The following TNS1 variants were observed in gnomAD, a reference collection of about 807,000 sequenced individuals.
TNS1 encodes the protein tensin 1.
TNS1 carries 62 observed loss-of-function variants against 168.6 expected under a neutral mutation model. That is an observed-to-expected ratio of 0.37 (90% confidence interval 0.30 to 0.45). The LOEUF (loss-of-function observed/expected upper bound fraction) is 0.45, where lower values mean the gene tolerates loss of function less well. Among genes scored for constraint, TNS1 ranks in the 20% least tolerant of loss-of-function variants. The probability of loss-of-function intolerance (pLI) is 1.00; values close to 1 mark genes in which losing one functional copy is unlikely to be tolerated. For synonymous variants in TNS1, 934 were observed against 933.2 expected, an observed-to-expected ratio of 1.00 and a Z score of -0.02; for missense variants, 2,240 against 2,339.4, an observed-to-expected ratio of 0.96 and a Z score of 0.88.
chr2:218,031,284 TGAGTGTGTGA>T (rs1958895503), intron 1 of TNS1, among the ~76,000 whole-genome samples: 1 of 117,992 alleles, frequency 8.5e-6, no homozygotes, highest in Non-Finnish European at 1.6e-5. Context: ...TGAGCGTGTA[TGAGTGTGTGA>T]GTGTGTCTTT....
intron 2 of TNS1, among the ~76,000 whole-genome samples, 199 bp downstream of exon 2, chr2:217,990,743 C>T (rs1387496603): frequency 6.6e-6 from 1 of 152,222 alleles, no homozygotes; most frequent in Non-Finnish European, 1.5e-5. Context: ...TTCCATGCTA[C>T]CCTCCACCTG....
In TNS1 at chr2:217,802,051, C is replaced by T. The variant is rs1477978271; in HGVS notation, c.*2408G>A. 6.6e-6 allele frequency: 1 copy of T among 152,242 alleles called. No homozygotes were observed. The highest frequency in any genetic ancestry group is 1.5e-5 in the Non-Finnish European group (1 of 68,066). The allele number at this position is 152,242 out of a possible 1,614,324, so 9.4% of individuals were successfully genotyped here. A position where few individuals can be genotyped will look rare whatever the true frequency, so the allele number is the denominator to read the frequency against. ...GCCAGGCTGCTTGAAGGGTCTGATACACCGCCCAGCCTCAAGTGTGGACAG... is the reference window on the plus strand; with the variant it reads ...GCCAGGCTGCTTGAAGGGTCTGATATACCGCCCAGCCTCAAGTGTGGACAG... On this transcript the variant is annotated 3_prime_UTR_variant, in exon 33 of 33. Transcript: ENST00000682258.
intron 1 of TNS1, among the ~76,000 whole-genome samples, chr2:218,026,682 C>T (rs1040501875): frequency 6.6e-6 from 1 of 152,264 alleles, no homozygotes; most frequent in Non-Finnish European, 1.5e-5. Flanking sequence ...TTTTCCCACC[C>T]ACCGCGTATG....
At chr2:218,004,055 C>G (rs1958623502), upstream of TNS1, among the ~76,000 whole-genome samples, 1 of 152,216 alleles carries the variant, frequency 6.6e-6, no homozygotes, top group Non-Finnish European at 1.5e-5. Context: ...AAAAACCCTT[C>G]CTCTTTGAGC....
chr2:217,883,815 A>G (rs577288752), intron 16 of TNS1, among the ~76,000 whole-genome samples: 1 of 152,296 alleles, frequency 6.6e-6, no homozygotes, highest in South Asian at 2.1e-4. Flanking sequence ...GAGCCAGACC[A>G]CACTAAGGAG....
chr2:217,853,244 G>A (rs896952144), intron 18 of TNS1, among the ~76,000 whole-genome samples: 1 of 152,208 alleles, frequency 6.6e-6, no homozygotes, highest in Non-Finnish European at 1.5e-5. Flanking sequence ...ATAAGGTAGA[G>A]GAGGATAAGA....
Position 217,818,207 on chromosome 2 carries a change from G to A in TNS1, c.4125C>T (p.Ser1375=). The change falls in exon 24 of 33, where the codon AGC becomes AGT. Residue 1375 remains serine (S), a synonymous_variant. Transcript: ENST00000682258. ...GGTGAGCCCCAGGGTGCCGGCCCAG[G>A]CTGGGACTCCCCGGGGTGGTGGCCA... is the stretch of plus-strand genomic sequence containing the variant. ...NKVATTPGSP[S]LGRHPGAHQG... is the part of the protein sequence containing the mutation. 6.2e-7 allele frequency: 1 copy of A among 1,613,964 alleles called. No individual in the cohort carries two copies. The highest frequency in any genetic ancestry group is 1.7e-5 in the Admixed American group (1 of 60,024).
intron 1 of TNS1, among the ~76,000 whole-genome samples, chr2:218,023,769 A>G (rs1958829358): frequency 1.3e-5 from 2 of 152,180 alleles, no homozygotes; most frequent in Non-Finnish European, 2.9e-5. Flanking sequence ...TGCCCTGGTC[A>G]GGTCCATGCT....
At chr2:217,959,396 C>T (rs1478024196) in intron 3 of TNS1, among the ~76,000 whole-genome samples, 2 of 151,594 alleles carry the variant, frequency 1.3e-5, no homozygotes, top group African/African-American at 4.9e-5. Context: ...AACCTGGTGT[C>T]TTAGCATGGA....
intron 24 of TNS1, 140 bp from the exon 25 acceptor site, chr2:217,815,138 G>A (rs1941680527): frequency 3.0e-6 from 2 of 674,684 alleles, no homozygotes; most frequent in South Asian, 1.7e-5. Flanking sequence ...AAATTAAGAT[G>A]AGGTCACACA....
At chr2:217,863,330 G>A (rs969304292) in intron 18 of TNS1, among the ~76,000 whole-genome samples, 16 of 152,166 alleles carry the variant, frequency 1.1e-4, no homozygotes, top group Non-Finnish European at 2.4e-4. Flanking sequence ...CAGGGAATGT[G>A]TGACAATACT....
intron 23 of TNS1, among the ~76,000 whole-genome samples, chr2:217,819,159 C>T (rs760229546): frequency 1.3e-5 from 2 of 152,208 alleles, no homozygotes; most frequent in Admixed American, 6.5e-5. Flanking sequence ...TTTCCTGGCT[C>T]CTGTTCCTAC....
intron 3 of TNS1, among the ~76,000 whole-genome samples, chr2:217,926,585 AC>A (rs1956038996): frequency 6.6e-6 from 1 of 152,150 alleles, no homozygotes; most frequent in African/African-American, 2.4e-5. Flanking sequence ...GATCTTCTTG[AC>A]AAGTTTTTCA....
Position 217,990,963 on chromosome 2 carries a change from G to A in TNS1, c.127C>T (p.Gln43Ter). 1.5e-6 allele frequency: 1 copy of A among 684,090 alleles called. No homozygotes were observed. Among genetic ancestry groups the A allele is most frequent in the Non-Finnish European group, 2.7e-6 (1 of 371,600 alleles). The allele number at this position is 684,090 out of a possible 1,614,324, so 42.4% of individuals were successfully genotyped here. The stretch of plus-strand genomic sequence containing the variant: ...TCACCTTTGCAGGTGCAGCCTTCCT[G>A]GGTGATGACCTGGCGGCAGATCCCA... The part of the protein sequence containing the change: ...PCGICRQVIT[Q>*]EGCTCKVCSF... Residue 43 changes from glutamine to a stop codon, truncating the protein, a stop_gained, in exon 2 of 33, where the codon CAG becomes TAG. Transcript: ENST00000682258. LOFTEE classifies it high-confidence loss of function.
At chr2:217,946,937 G>A (rs1045664252) in intron 3 of TNS1, among the ~76,000 whole-genome samples, 8 of 130,814 alleles carry the variant, frequency 6.1e-5, no homozygotes, top group African/African-American at 1.9e-4. Flanking sequence ...TTCCACCATC[G>A]CTCTCTCTCT....
chr2:217,885,491 A>G (rs1272669906), intron 15 of TNS1, among the ~76,000 whole-genome samples: 1 of 152,230 alleles, frequency 6.6e-6, no homozygotes, highest in African/African-American at 2.4e-5. Flanking sequence ...TGTCACCAAT[A>G]AGAAGCCAGG....
At chr2:217,909,348 G>T (rs990990939) in intron 4 of TNS1, among the ~76,000 whole-genome samples, 1 of 152,044 alleles carries the variant, frequency 6.6e-6, no homozygotes, top group Admixed American at 6.6e-5. Context: ...TGACCTGTCC[G>T]CTACCCAGCC....
rs1396005850 is a variant in TNS1, at chr2:217,948,665, T to A, written c.187-28429A>T. Among the ~76,000 whole-genome samples, 1 of 152,148 alleles carries A rather than the reference T, an allele frequency of 6.6e-6. No individual in the cohort carries two copies. Among genetic ancestry groups the A allele is most frequent in the Non-Finnish European group, 1.5e-5 (1 of 68,016 alleles). On this transcript the variant is annotated intron_variant, in intron 3 of 32. Coordinates refer to ENST00000682258, the MANE Select transcript of TNS1 (RefSeq NM_001387777.1). The surrounding 1 kb of genome is among the most constrained non-coding windows in gnomAD (Gnocchi z 4.1). ...TCCAGAGATGACCCCAGAAGCCACA[T>A]TCACGCTGCTGCCCTGAAGCCCCCC...
chr2:217,878,015 C>T (rs1434516419), intron 18 of TNS1, among the ~76,000 whole-genome samples: 1 of 152,170 alleles, frequency 6.6e-6, no homozygotes, highest in Admixed American at 6.5e-5. Flanking sequence ...TCAGAAATGG[C>T]CCCAGGTCAC....
Sources: allele counts gnomAD v4.1 joint callset (sites outside exome capture counted in the v4.1 genomes callset), GRCh38; gene constraint gnomAD v4.1.1; non-coding constraint Gnocchi (gnomAD v3.1); transcripts MANE v1.5; gene names NCBI Gene and HGNC (gene_info 2026-07-23, HGNC 2026-07-21).